Variants in HSH2D observed in about 807,000 individuals in gnomAD.
HSH2D encodes the protein hematopoietic SH2 domain containing.
HSH2D carries 16 observed loss-of-function variants against 21.5 expected under a neutral mutation model. The ratio of observed to expected loss-of-function variants is 0.74; its 90% CI spans 0.50 to 1.13. HSH2D has a LOEUF of 1.13. Among genes scored for constraint, HSH2D ranks in the 50% most tolerant of loss-of-function variants. The pLI is 0.00. For synonymous variants in HSH2D, 172 were observed against 184.7 expected (o/e 0.93, Z 0.56); for missense variants, 418 against 441.4 (o/e 0.95, Z 0.47).
At chr19:16,135,514 A>G (rs1181854184) in intron 1 of HSH2D, among the ~76,000 whole-genome samples, 1 of 151,758 alleles carries the variant, frequency 6.6e-6, no homozygotes, top group Non-Finnish European at 1.5e-5. Context: ...AAGCCTCTAC[A>G]CGCTGCAGCC....
upstream of HSH2D, chr19:16,142,107 T>A (rs1468851905): frequency 2.0e-5 from 3 of 152,092 alleles, no homozygotes; most frequent in African/African-American, 4.8e-5. Flanking sequence ...AGTCAATTAA[T>A]AAAAATATTT....
chr19:16,151,630 G>A (rs751101204), intron 2 of HSH2D: 6 of 455,566 alleles, frequency 1.3e-5, no homozygotes, highest in South Asian at 3.1e-5. Flanking sequence ...TGCCTTAATC[G>A]GGGGATTCCA....
chr19:16,135,964 C>G (rs1260171128), intron 1 of HSH2D, among the ~76,000 whole-genome samples: 1 of 152,120 alleles, frequency 6.6e-6, no homozygotes, highest in Non-Finnish European at 1.5e-5. Flanking sequence ...CTCAAAGAAA[C>G]CAGCTTCCAG....
intron 5 of HSH2D, chr19:16,155,618 A>AC (rs1012027402): frequency 6.4e-5 from 7 of 108,554 alleles, no homozygotes; most frequent in African/African-American, 2.4e-4. Flanking sequence ...GCATGGGAGG[A>AC]CTTTTTTTTT....
rs560113885 is a variant in HSH2D at position 16,134,992 on chromosome 19, C to T, written c.-324+757C>T. Among the ~76,000 whole-genome samples, 4 of 151,628 alleles carry T rather than the reference C, an allele frequency of 2.6e-5. No homozygotes were observed. The South Asian group carries it at 6.3e-4, about 24-fold the overall frequency. On this transcript the variant is annotated intron_variant, in intron 1 of 7. Coordinates refer to the HSH2D transcript ENST00000616645. ...AAAAAAAAAAAGTACAAAAATTGGC[C>T]GGGTGCAGTGGCGCATGCCTCATCC...
At chr19:16,154,941 T>C (rs2091218518) in intron 5 of HSH2D, 1 of 155,200 alleles carries the variant, frequency 6.4e-6, no homozygotes, top group Non-Finnish European at 1.4e-5. Context: ...CCCAAAAGTG[T>C]TCCTCAAAAT....
chr19:16,156,220 C>T (rs973494014), intron 5 of HSH2D, among the ~76,000 whole-genome samples: 8 of 151,878 alleles, frequency 5.3e-5, no homozygotes, highest in Admixed American at 2.0e-4. Flanking sequence ...GGCATGGTGG[C>T]GCACGCCTGT....
intron 4 of HSH2D, 93 bp from the exon 5 acceptor site, chr19:16,154,306 T>G: frequency 1.3e-6 from 1 of 767,900 alleles, no homozygotes; most frequent in Non-Finnish European, 2.1e-6. Context: ...AAACTGCTAT[T>G]CAAGGGATGG....
At chr19:16,147,635 T>G (rs1461628577) in intron 1 of HSH2D, among the ~76,000 whole-genome samples, 5 of 124,522 alleles carry the variant, frequency 4.0e-5, no homozygotes, top group African/African-American at 1.1e-4. Context: ...GTGGTTTTTT[T>G]TTTGTTTTGT....
upstream of HSH2D, among the ~76,000 whole-genome samples, chr19:16,142,580 C>T (rs1005599740): frequency 1.3e-5 from 2 of 152,172 alleles, no homozygotes; most frequent in African/African-American, 4.8e-5. Context: ...TCTCCTGCCT[C>T]AGCCTCCCAA....
At chr19:16,153,006 G>A in intron 3 of HSH2D, 37 bp from the exon 4 acceptor site, 6 of 1,593,850 alleles carry the variant, frequency 3.8e-6, no homozygotes, top group South Asian at 2.3e-5. Flanking sequence ...GGGATGAGGG[G>A]GAGTAGGATG....
chr19:16,150,741 CT>C (rs895926443), intron 2 of HSH2D, among the ~76,000 whole-genome samples: 3 of 151,424 alleles, frequency 2.0e-5, no homozygotes, highest in Non-Finnish European at 1.5e-5. Context: ...GCCTGTGGTT[CT>C]GGCTACTCAG....
intron 1 of HSH2D, among the ~76,000 whole-genome samples, chr19:16,147,407 G>A (rs1330395237): frequency 6.7e-6 from 1 of 149,526 alleles, no homozygotes; most frequent in Non-Finnish European, 1.5e-5. Flanking sequence ...TCACTTGAGG[G>A]AAGAAGGTCG....
In HSH2D at chr19:16,157,396, C is replaced by T; in HGVS notation, c.661C>T (p.Leu221=). 1 of 1,613,926 alleles carries T rather than the reference C, an allele frequency of 6.2e-7. No individual in the cohort carries two copies. ...GAGAGGCCAGAGGGTCCGGCAGCAGCTAAAAAGCCACCTCGCCACTGTGAA... is the reference window on the plus strand; with the variant it reads ...GAGAGGCCAGAGGGTCCGGCAGCAGTTAAAAAGCCACCTCGCCACTGTGAA... The part of the protein sequence containing the change: ...PERGQRVRQQ[L]KSHLATVNLS... The change falls in exon 6 of 6, where the codon CTA becomes TTA. Residue 221 remains leucine, a synonymous_variant. Transcript: ENST00000613986. The surrounding 1 kb of genome is among the most constrained non-coding windows in gnomAD (Gnocchi z 4.4).
In HSH2D at chr19:16,157,651, G is replaced by T. The variant is rs1301260777; in HGVS notation, c.916G>T (p.Asp306Tyr). ...SVSCIEVTPG[D>Y]RSWHQMVVRA... ...CAGCTGCATTGAGGTGACCCCAGGG[G>T]ACAGGAGTTGGCACCAAATGGTAGT... The change falls in exon 6 of 6, where the codon GAC becomes TAC. Residue 306 changes from aspartate to tyrosine, a missense_variant. Asp to Tyr is a radical substitution (Grantham distance 160). Transcript: ENST00000613986. This position sits in a 1 kb window ranked among gnomAD's most constrained non-coding sequence, Gnocchi z 4.4. 1.9e-6 allele frequency: 3 copies of T among 1,613,518 alleles called. No individual in the cohort carries two copies. In the South Asian group the frequency reaches 3.3e-5, roughly 18 times the overall value.
Position 16,154,426 on chromosome 19 carries a change from G to A in HSH2D, c.409G>A (p.Asp137Asn), listed in dbSNP as rs1324735312. 2.2e-5 allele frequency: 34 copies of A among 1,551,650 alleles called. No individual in the cohort carries two copies. The highest frequency in any genetic ancestry group is 3.0e-5 in the Non-Finnish European group (34 of 1,147,236). The part of the protein sequence containing the change: ...QKDPANVDYE[D>N]LFLYSNAVAE... ...GGATCCCGCAAACGTGGATTACGAG[G>A]ATCTCTTCCTCTACTCCAACGCAGT... is the stretch of plus-strand genomic sequence containing the variant. The change falls in exon 5 of 6, where the codon GAT becomes AAT. Residue 137 changes from aspartate (D) to asparagine (N), a missense_variant. Transcript: ENST00000613986.
chr19:16,144,020 G>C (rs746660417), intron 1 of HSH2D, among the ~76,000 whole-genome samples: 35 of 152,136 alleles, frequency 2.3e-4, no homozygotes, highest in Non-Finnish European at 3.7e-4. Context: ...AAGAGAGAGA[G>C]AGCAAGGATG....
intron 2 of HSH2D, among the ~76,000 whole-genome samples, chr19:16,150,625 C>T (rs779434613): frequency 3.3e-5 from 5 of 151,714 alleles, no homozygotes; most frequent in Non-Finnish European, 7.4e-5. Context: ...TTGCTGGAAC[C>T]CTGCAGGCAG....
In HSH2D at chr19:16,157,180, G is replaced by A. The variant is rs759794761; in HGVS notation, c.475-30G>A. 9 of 1,502,498 alleles carry A rather than the reference G, an allele frequency of 6.0e-6. No individual in the cohort carries two copies. In the South Asian group the frequency reaches 1.2e-4, roughly 20 times the overall value. The allele number at this position is 1,502,498 out of a possible 1,614,324, so 93.1% of individuals were successfully genotyped here. On this transcript the variant is annotated intron_variant, in intron 5 of 5. Coordinates refer to ENST00000613986, the MANE Select transcript of HSH2D (RefSeq NM_001382417.1). This position sits in a 1 kb window ranked among gnomAD's most constrained non-coding sequence, Gnocchi z 4.4. ...GACATGGTGCTCTGGTGGGCAAGCT[G>A]CCCCAGGCCTCCCCTACTCTCATTT...
Sources: allele counts gnomAD v4.1 joint callset (sites outside exome capture counted in the v4.1 genomes callset), GRCh38; gene constraint gnomAD v4.1.1; non-coding constraint Gnocchi (gnomAD v3.1); transcripts MANE v1.5; gene names NCBI Gene and HGNC (gene_info 2026-07-23, HGNC 2026-07-21).